CSMD1: variants seen among roughly 807,000 people sequenced by gnomAD.
The protein encoded by CSMD1 is CUB and sushi domain-containing protein 1.
A neutral mutation model predicts 417.5 loss-of-function variants in CSMD1; 213 were observed. The observed-to-expected ratio is 0.51, with a 90% CI of 0.46 to 0.57. The LOEUF (loss-of-function observed/expected upper bound fraction) is 0.57, where lower values mean the gene tolerates loss of function less well. Ranked by LOEUF, CSMD1 falls within the 20% of genes least tolerant of loss-of-function variation. The probability of loss-of-function intolerance (pLI) is 0.00; values close to 1 mark genes in which losing one functional copy is unlikely to be tolerated. For synonymous variants in CSMD1, 2,862 were observed against 1,736.8 expected (o/e 1.65, Z -16.11); for missense variants, 6,923 against 4,529.7 (o/e 1.53, Z -15.17).
chr8:3,345,712 T>G (rs1417688956), intron 22 of CSMD1, among the ~76,000 whole-genome samples: 1 of 152,152 alleles, frequency 6.6e-6, no homozygotes, highest in Non-Finnish European at 1.5e-5. Context: ...CTCCTCAGAG[T>G]TCAGCATTTA....
intron 12 of CSMD1, among the ~76,000 whole-genome samples, chr8:3,426,967 G>C (rs889429816): frequency 1.3e-5 from 2 of 152,156 alleles, no homozygotes; most frequent in African/African-American, 4.8e-5. Flanking sequence ...GGGAAGCAAA[G>C]TGCCTTCTTC....
chr8:4,939,016 G>C (rs1040753148), intron 1 of CSMD1, among the ~76,000 whole-genome samples: 9 of 152,064 alleles, frequency 5.9e-5, no homozygotes, highest in African/African-American at 2.2e-4. Flanking sequence ...TGAGTCATAG[G>C]AATGTTTTCT....
chr8:3,687,636 T>C (rs767731569), intron 7 of CSMD1, among the ~76,000 whole-genome samples: 2 of 152,180 alleles, frequency 1.3e-5, no homozygotes, highest in African/African-American at 4.8e-5. Flanking sequence ...CACTGTGCCC[T>C]TGTTCATTTG....
At chr8:3,583,104 C>A (rs984885427) in intron 9 of CSMD1, among the ~76,000 whole-genome samples, 9 of 152,222 alleles carry the variant, frequency 5.9e-5, no homozygotes, top group African/African-American at 1.9e-4. Context: ...GGGAGCCTGG[C>A]CTCATCCCTA....
At chr8:3,794,164 A>C (rs1234502606) in intron 5 of CSMD1, among the ~76,000 whole-genome samples, 1 of 152,122 alleles carries the variant, frequency 6.6e-6, no homozygotes, top group Non-Finnish European at 1.5e-5. Flanking sequence ...CCAGCAAATG[A>C]CTTTATGTTA....
At chr8:4,142,791 G>A (rs35621660) in intron 3 of CSMD1, among the ~76,000 whole-genome samples, 45,304 of 150,674 alleles carry the variant, frequency 0.3, 8,461 homozygotes, top group Non-Finnish European at 0.39. Context: ...CTTCAACAAA[G>A]TCTCGTATTT....
chr8:3,673,170 G>T (rs950362271), intron 7 of CSMD1, among the ~76,000 whole-genome samples: 1 of 152,168 alleles, frequency 6.6e-6, no homozygotes, highest in Non-Finnish European at 1.5e-5. Context: ...TGTCATTAAT[G>T]GGACACAGAA....
chr8:3,945,139 T>C (rs1811132919), intron 5 of CSMD1, among the ~76,000 whole-genome samples: 1 of 140,890 alleles, frequency 7.1e-6, no homozygotes, highest in African/African-American at 2.6e-5. Flanking sequence ...TGATACACAA[T>C]TTGAACAATG....
intron 5 of CSMD1, among the ~76,000 whole-genome samples, chr8:3,975,631 T>C (rs1813380278): frequency 6.6e-6 from 1 of 152,138 alleles, no homozygotes. Context: ...CTAAAGTGCC[T>C]GTAGGTGCCC....
chr8:3,726,116 A>G (rs1802480809), intron 6 of CSMD1, among the ~76,000 whole-genome samples: 1 of 151,950 alleles, frequency 6.6e-6, no homozygotes, highest in Admixed American at 6.6e-5. Flanking sequence ...CTAGTAAGGG[A>G]CCTGAGGTCC....
intron 59 of CSMD1, among the ~76,000 whole-genome samples, chr8:2,963,732 C>A (rs747455661): frequency 6.6e-6 from 1 of 152,052 alleles, no homozygotes; most frequent in African/African-American, 2.4e-5. Flanking sequence ...AAAGACAATT[C>A]GAATGAGGAT....
chr8:4,786,067 T>A, intron 1 of CSMD1, among the ~76,000 whole-genome samples: 1 of 152,048 alleles, frequency 6.6e-6, no homozygotes. Context: ...ATTATAAAAA[T>A]ACGAATAAAA....
intron 5 of CSMD1, among the ~76,000 whole-genome samples, chr8:3,879,825 G>C (rs1408716575): frequency 9.2e-6 from 1 of 109,252 alleles, no homozygotes; most frequent in South Asian, 2.8e-4. Flanking sequence ...GTGTGTACCG[G>C]TGTGCGTGTG....
chr8:3,787,345 G>A (rs188039488), intron 5 of CSMD1, among the ~76,000 whole-genome samples: 1 of 152,142 alleles, frequency 6.6e-6, no homozygotes, highest in African/African-American at 2.4e-5. Context: ...ACAGTTCAAT[G>A]TTGATGCCAT....
chr8:3,881,789 A>C (rs973384932), intron 5 of CSMD1, among the ~76,000 whole-genome samples: 3 of 152,148 alleles, frequency 2.0e-5, no homozygotes, highest in African/African-American at 7.2e-5. Context: ...CGATGCAAGG[A>C]AAGACAGCTA....
intron 2 of CSMD1, among the ~76,000 whole-genome samples, chr8:4,440,793 C>T (rs1013142571): frequency 2.0e-5 from 3 of 151,908 alleles, no homozygotes; most frequent in South Asian, 4.2e-4. Context: ...GTCAGCAGTT[C>T]GGGACCAGCC....
chr8:3,819,216 C>G (rs188634841), intron 5 of CSMD1, among the ~76,000 whole-genome samples: 2 of 152,244 alleles, frequency 1.3e-5, no homozygotes, highest in Admixed American at 1.3e-4. Flanking sequence ...ACACTATGGA[C>G]AACCCTCTTT....
At chr8:4,601,747 G>C (rs1800596590) in intron 2 of CSMD1, among the ~76,000 whole-genome samples, 1 of 152,162 alleles carries the variant, frequency 6.6e-6, no homozygotes, top group South Asian at 2.1e-4. Context: ...TGTAGCTGGA[G>C]AAAAATATAT....
At chr8:4,742,383 T>C (rs991390155) in intron 1 of CSMD1, among the ~76,000 whole-genome samples, 1 of 152,054 alleles carries the variant, frequency 6.6e-6, no homozygotes, top group African/African-American at 2.4e-5. Context: ...TCATGAGAAA[T>C]TTAAGACTGC....
Sources: allele counts gnomAD v4.1 joint callset (sites outside exome capture counted in the v4.1 genomes callset), GRCh38; gene constraint gnomAD v4.1.1; transcripts MANE v1.5; gene names NCBI Gene and HGNC (gene_info 2026-07-23, HGNC 2026-07-21).